NDOR1: variants seen among roughly 807,000 people sequenced by gnomAD.
NDOR1 encodes the protein NADPH-dependent diflavin oxidoreductase 1.
A neutral mutation model predicts 67.2 loss-of-function variants in NDOR1; 61 were observed. The observed-to-expected ratio is 0.91, with a 90% CI of 0.74 to 1.12. NDOR1 has a LOEUF of 1.12. Among genes scored for constraint, NDOR1 ranks in the 50% most tolerant of loss-of-function variants. NDOR1 has a pLI of 0.00. For synonymous variants in NDOR1, 378 were observed against 343.7 expected, an observed-to-expected ratio of 1.10 and a Z score of -1.10; for missense variants, 878 against 802.8, an observed-to-expected ratio of 1.09 and a Z score of -1.13.
Position 137,216,861 on chromosome 9 carries a change from C to G in NDOR1, c.*445C>G, listed in dbSNP as rs1001244281. 5 of 213,070 alleles carry G rather than the reference C, an allele frequency of 2.3e-5. No homozygotes were observed. The South Asian group carries it at 3.2e-4, about 14-fold the overall frequency. The allele number at this position is 213,070 out of a possible 1,614,324, so 13.2% of individuals were successfully genotyped here. A position where few individuals can be genotyped will look rare whatever the true frequency, so the allele number is the denominator to read the frequency against. On this transcript the variant is annotated 3_prime_UTR_variant, in exon 14 of 14. Coordinates refer to ENST00000684003, the MANE Select transcript of NDOR1 (RefSeq NM_014434.4). ...CCAGCAGCACATTCCAGTCACTGCC[C>G]CCGCACTCCCACAGGGCTCAGGCTG...
At position 137,206,271 on chromosome 9, in the gene NDOR1, G is replaced by C. The variant is rs1834960651; in HGVS notation, c.175G>C (p.Ala59Pro). 1 of 1,613,958 alleles carries C rather than the reference G, an allele frequency of 6.2e-7. No homozygotes were observed. Among genetic ancestry groups the C allele is most frequent in the Non-Finnish European group, 8.5e-7 (1 of 1,179,976 alleles). Residue 59 changes from alanine to proline, a missense_variant, in exon 2 of 14, where the codon GCA (alanine) becomes CCA (proline). Coordinates refer to ENST00000684003, the MANE Select transcript of NDOR1 (RefSeq NM_014434.4). Reference sequence around the variant, plus strand: ...CGAGCCCCTGGTGATATTTGTTTGTGCAACTACAGGCCAAGGAGACCCCCC... The same window carrying C: ...CGAGCCCCTGGTGATATTTGTTTGTCCAACTACAGGCCAAGGAGACCCCCC... Reference protein sequence around the residue: ...INEPLVIFVCATTGQGDPPDN... With the variant: ...INEPLVIFVCPTTGQGDPPDN...
At chr9:137,209,143 A>G (rs1227833412) in intron 2 of NDOR1, among the ~76,000 whole-genome samples, 6 of 152,114 alleles carry the variant, frequency 3.9e-5, no homozygotes. Context: ...AGCCTCCCAA[A>G]GTGGTGGGAT....
intron 2 of NDOR1, among the ~76,000 whole-genome samples, chr9:137,206,544 C>G (rs1337579882): frequency 6.6e-6 from 1 of 152,180 alleles, no homozygotes; most frequent in Non-Finnish European, 1.5e-5. Flanking sequence ...TTTTCCAGGG[C>G]TATCTATATG....
rs1483166679 is a variant in NDOR1 at position 137,209,993 on chromosome 9, T to TG, written c.214-2508dup. Among the ~76,000 whole-genome samples the TG allele has an allele frequency of 6.6e-5, 10 of 152,202 alleles. 1 individual carries two copies. The highest frequency in any genetic ancestry group is 2.0e-4 in the Admixed American group (3 of 15,284). On this transcript the variant is annotated intron_variant, in intron 2 of 13. Transcript: ENST00000684003. ...CTGTAATCTCAGCTACTCAGGAGGC[T>TG]GAGGCAGGAGAATCACTTGAACCCA... is the stretch of plus-strand genomic sequence containing the variant.
chr9:137,215,572 C>CTT (rs750124184), intron 10 of NDOR1, 51 bp downstream of exon 10: 2 of 1,609,522 alleles, frequency 1.2e-6, no homozygotes, highest in Admixed American at 3.4e-5. Context: ...CCCTTCTCTC[C>CTT]CATGCTCATG....
At chr9:137,207,305 C>G (rs1009099395) in intron 2 of NDOR1, among the ~76,000 whole-genome samples, 1 of 151,722 alleles carries the variant, frequency 6.6e-6, no homozygotes, top group Non-Finnish European at 1.5e-5. Flanking sequence ...GGACATGGAA[C>G]GGACCCAATA....
chr9:137,207,454 A>G (rs1042573904), intron 2 of NDOR1, among the ~76,000 whole-genome samples: 10 of 152,144 alleles, frequency 6.6e-5, no homozygotes, highest in Middle Eastern at 3.4e-3. Flanking sequence ...GGAGAAGTGC[A>G]GTAGGACTAG....
At chr9:137,206,371 G>T in intron 2 of NDOR1, 62 bp downstream of exon 2, 1 of 1,539,430 alleles carries the variant, frequency 6.5e-7, no homozygotes, top group Non-Finnish European at 9.0e-7. Flanking sequence ...CGTTTTCATT[G>T]CCTGGCGTCT....
chr9:137,214,759 T>G, intron 7 of NDOR1, 39 bp from the exon 8 acceptor site: 1 of 1,595,148 alleles, frequency 6.3e-7, no homozygotes, highest in South Asian at 1.1e-5. Flanking sequence ...CCCCAAGGGC[T>G]CCGCCGCAGC....
Position 137,218,306 on chromosome 9 carries a change from C to T in NDOR1, c.*1890C>T, listed in dbSNP as rs762897337. On this transcript the variant is annotated 3_prime_UTR_variant, in exon 14 of 14. Transcript: ENST00000684003. ...GGCCGACGGGCCCTCACGCCAGCCC[C>T]GCCGAGAGGCCCCTGCATCCTATCA... 1.8e-5 allele frequency: 7 copies of T among 398,194 alleles called. No homozygotes were observed. Among genetic ancestry groups the T allele is most frequent in the South Asian group, 1.3e-4 (1 of 7,876 alleles). The allele number at this position is 398,194 out of a possible 1,614,324, so 24.7% of individuals were successfully genotyped here.
intron 2 of NDOR1, among the ~76,000 whole-genome samples, chr9:137,211,149 A>T (rs1835234235): frequency 6.6e-6 from 1 of 152,208 alleles, no homozygotes; most frequent in South Asian, 2.1e-4. Context: ...TCAAAAAAAG[A>T]TGAGAAATCC....
Position 137,216,555 on chromosome 9 carries a change from C to G in NDOR1, c.*139C>G. 6 of 1,116,286 alleles carry G rather than the reference C, an allele frequency of 5.4e-6. No homozygotes were observed. Among genetic ancestry groups the G allele is most frequent in the Non-Finnish European group, 7.5e-6 (6 of 804,602 alleles). The allele number at this position is 1,116,286 out of a possible 1,614,324, so 69.1% of individuals were successfully genotyped here. ...CCTCTGGGAACAGCCAGCTCCCGAG[C>G]ACAGCCGCACTCCTGTTGACCCTGG... On this transcript the variant is annotated 3_prime_UTR_variant, in exon 14 of 14. Transcript: ENST00000684003.
chr9:137,214,355 C>T lies in NDOR1; in HGVS notation c.664C>T (p.Pro222Ser), dbSNP rs746164085. The change falls in exon 6 of 14, where the codon CCC becomes TCC. Residue 222 changes from proline to serine, a missense_variant. Coordinates refer to ENST00000684003, the MANE Select transcript of NDOR1 (RefSeq NM_014434.4). ...GATCTCCAACCAGAGAGTCACCGGCCCCTCCCACTTCCAGGACGTTCGGCT... is the reference window on the plus strand; with the variant it reads ...GATCTCCAACCAGAGAGTCACCGGCTCCTCCCACTTCCAGGACGTTCGGCT... ...PMISNQRVTG[P>S]SHFQDVRLIE... is the part of the protein sequence containing the mutation. 3 of 1,614,062 alleles carry T rather than the reference C, an allele frequency of 1.9e-6. No individual in the cohort carries two copies. In the South Asian group the frequency reaches 3.3e-5, roughly 18 times the overall value.
intron 2 of NDOR1, among the ~76,000 whole-genome samples, chr9:137,209,672 C>G (rs1008652284): frequency 1.3e-5 from 2 of 152,224 alleles, no homozygotes; most frequent in Non-Finnish European, 2.9e-5. Context: ...CACAGCGAAA[C>G]AGGAAGACCC....
Position 137,215,174 on chromosome 9 carries a change from G to C in NDOR1, c.1145G>C (p.Arg382Thr). 1.2e-6 allele frequency: 2 copies of C among 1,612,988 alleles called. No individual in the cohort carries two copies. The highest frequency in any genetic ancestry group is 1.7e-6 in the Non-Finnish European group (2 of 1,179,876). ...GACCTCATCCCCGTTATCCGGCCGA[G>C]GGCCTTCTCCATCGCCTCCTCGCTG... ...LLDLIPVIRP[R>T]AFSIASSLLT... The change falls in exon 9 of 14, where the codon AGG becomes ACG. Residue 382 changes from arginine (R) to threonine (T), a missense_variant. By Grantham distance (71) the Arg-to-Thr change is moderately conservative. Transcript: ENST00000684003.
chr9:137,213,458 C>T (rs1247488452), intron 3 of NDOR1, among the ~76,000 whole-genome samples: 2 of 152,156 alleles, frequency 1.3e-5, no homozygotes, highest in Non-Finnish European at 1.5e-5. Flanking sequence ...CTGGAGGCCT[C>T]AGCTGCCTCA....
In NDOR1 at chr9:137,212,532, C is replaced by T. The variant is rs533320341; in HGVS notation, c.244C>T (p.Leu82=). 5 of 1,614,110 alleles carry T rather than the reference C, an allele frequency of 3.1e-6. No individual in the cohort carries two copies. The African/African-American group carries it at 4.0e-5, about 13-fold the overall frequency. ...NFWRFIFRKN[L]PSTALCQMDF... is the part of the protein sequence containing the mutation. ...CTGGAGGTTTATATTCCGGAAGAACCTGCCCTCCACTGCCCTCTGTCAGAT... is the reference window on the plus strand; with the variant it reads ...CTGGAGGTTTATATTCCGGAAGAACTTGCCCTCCACTGCCCTCTGTCAGAT... Residue 82 remains leucine (L), a synonymous_variant, in exon 3 of 14, where the codon CTG becomes TTG. Coordinates refer to ENST00000684003, the MANE Select transcript of NDOR1 (RefSeq NM_014434.4). This position sits in a 1 kb window ranked among gnomAD's most constrained non-coding sequence, Gnocchi z 4.3.
At chr9:137,210,427 C>T (rs1420772495) in intron 2 of NDOR1, among the ~76,000 whole-genome samples, 1 of 150,960 alleles carries the variant, frequency 6.6e-6, no homozygotes, top group Non-Finnish European at 1.5e-5. Flanking sequence ...GAGATGGGGT[C>T]TCAAGCTTCT....
In NDOR1 at chr9:137,212,439, C is replaced by G. The variant is rs759624266; in HGVS notation, c.214-63C>G. On this transcript the variant is annotated intron_variant, in intron 2 of 13. Transcript: ENST00000684003. The surrounding 1 kb of genome is among the most constrained non-coding windows in gnomAD (Gnocchi z 4.3). ...CTGTTCCCCTGAGACCCTCCCCTCACCCCCTGCTGTGGGGCTAGCCTAGAG... is the reference window on the plus strand; with the variant it reads ...CTGTTCCCCTGAGACCCTCCCCTCAGCCCCTGCTGTGGGGCTAGCCTAGAG... 8 of 1,442,282 alleles carry G rather than the reference C, an allele frequency of 5.5e-6. No individual in the cohort carries two copies. The Admixed American group carries it at 6.7e-5, about 12-fold the overall frequency. The allele number at this position is 1,442,282 out of a possible 1,614,324, so 89.3% of individuals were successfully genotyped here. A position where few individuals can be genotyped will look rare whatever the true frequency, so the allele number is the denominator to read the frequency against.
Sources: gnomAD v4.1 joint callset for allele counts (sites outside exome capture counted in the v4.1 genomes callset) on GRCh38, gnomAD v4.1.1 for gene constraint, Gnocchi (gnomAD v3.1) non-coding constraint, MANE v1.5 for transcripts, NCBI Gene and HGNC (gene_info 2026-07-23, HGNC 2026-07-21) for gene names.